Variants in PCDHGB2 observed in about 807,000 individuals in gnomAD.
PCDHGB2 encodes protocadherin gamma subfamily B, 2.
PCDHGB2 carries 55 observed loss-of-function variants against 59.3 expected under a neutral mutation model. That is an observed-to-expected ratio of 0.93 (90% CI 0.75 to 1.16). The LOEUF (loss-of-function observed/expected upper bound fraction) is 1.16. Among genes scored for constraint, PCDHGB2 ranks in the 50% most tolerant of loss-of-function variants. PCDHGB2 has a pLI of 0.00. For missense variants in PCDHGB2, 1,228 were observed against 1,198.5 expected (o/e 1.02, Z -0.36); for synonymous variants, 516 against 512.0 (o/e 1.01, Z -0.11).
intron 2 of PCDHGB2, among the ~76,000 whole-genome samples, chr5:141,505,145 G>A (rs540889707): frequency 1.3e-5 from 2 of 152,288 alleles, no homozygotes; most frequent in East Asian, 3.9e-4. Flanking sequence ...CTGGATGACA[G>A]AGTAAGACCC....
chr5:141,465,366 A>G (rs2099102089), intron 1 of PCDHGB2, among the ~76,000 whole-genome samples: 1 of 152,154 alleles, frequency 6.6e-6, no homozygotes, highest in Non-Finnish European at 1.5e-5. Flanking sequence ...GGTGCCCTTT[A>G]AAGTTGTAAG....
chr5:141,500,318 C>T (rs1005060282), intron 2 of PCDHGB2, among the ~76,000 whole-genome samples: 3 of 151,948 alleles, frequency 2.0e-5, no homozygotes, highest in African/African-American at 7.3e-5. Context: ...ACGCCATGCT[C>T]CTGCCTCAGC....
chr5:141,393,752 AT>A, intron 1 of PCDHGB2: 1 of 1,613,942 alleles, frequency 6.2e-7, no homozygotes, highest in Non-Finnish European at 8.5e-7. Flanking sequence ...AAGAATGTTC[AT>A]TTTATGAAAT....
intron 1 of PCDHGB2, chr5:141,421,623 C>T: frequency 6.2e-7 from 1 of 1,613,810 alleles, no homozygotes. Flanking sequence ...ATAACGCCCC[C>T]AGCTTCCAGG....
intron 1 of PCDHGB2, among the ~76,000 whole-genome samples, chr5:141,483,993 G>T (rs1307708919): frequency 6.8e-6 from 1 of 147,882 alleles, no homozygotes; most frequent in Non-Finnish European, 1.5e-5. Flanking sequence ...AGGTTGCTGG[G>T]AGGTCTGGAT....
rs749092806 is a variant in PCDHGB2, at chr5:141,360,171, G to A, written c.36G>A (p.Arg12=). ...KASSGRCGLV[R]WLQVLLPFLL... is the part of the protein sequence containing the mutation. ...GCTCAGGGAGGTGCGGGCTGGTGCG[G>A]TGGCTGCAGGTACTGTTGCCCTTCC... The change falls in exon 1 of 4, where the codon CGG becomes CGA. Residue 12 remains arginine, a synonymous_variant. Coordinates refer to ENST00000522605, the MANE Select transcript of PCDHGB2 (RefSeq NM_018923.3). The A allele has an allele frequency of 8.1e-6, 13 of 1,608,392 alleles. No individual in the cohort carries two copies. Among genetic ancestry groups the A allele is most frequent in the African/African-American group, 1.3e-5 (1 of 74,778 alleles).
chr5:141,450,468 A>G (rs1187171122), intron 1 of PCDHGB2, among the ~76,000 whole-genome samples: 2 of 151,696 alleles, frequency 1.3e-5, no homozygotes, highest in African/African-American at 4.9e-5. Flanking sequence ...TTTTATATAT[A>G]GAGTTTGTTT....
At position 141,491,423 on chromosome 5, in the gene PCDHGB2, G is replaced by A; in HGVS notation, c.2422-3384G>A. The A allele has an allele frequency of 3.1e-6, 5 of 1,614,126 alleles. No homozygotes were observed. Among genetic ancestry groups the A allele is most frequent in the Non-Finnish European group, 4.2e-6 (5 of 1,180,036 alleles). ...AACGCAGACGGGGACGGGGGTGGAGGGCAGTGCTGCAGGCGCCAGGACTCA... is the reference window on the plus strand; with the variant it reads ...AACGCAGACGGGGACGGGGGTGGAGAGCAGTGCTGCAGGCGCCAGGACTCA... On this transcript the variant is annotated intron_variant, in intron 1 of 3. Transcript: ENST00000522605. The surrounding 1 kb of genome is among the most constrained non-coding windows in gnomAD (Gnocchi z 6.9).
At chr5:141,372,022 G>A in intron 1 of PCDHGB2, 1 of 1,613,416 alleles carries the variant, frequency 6.2e-7, no homozygotes, top group Non-Finnish European at 8.5e-7. Context: ...CCTACGCTCA[G>A]CGCCAACGTG....
At position 141,393,532 on chromosome 5, in the gene PCDHGB2, C is replaced by G. The variant is rs1411410420; in HGVS notation, c.2421+30976C>G. 1.4e-5 allele frequency: 23 copies of G among 1,613,886 alleles called. No homozygotes were observed. Among genetic ancestry groups the G allele is most frequent in the Non-Finnish European group, 1.9e-5 (23 of 1,179,916 alleles). On this transcript the variant is annotated intron_variant, in intron 1 of 3. Transcript: ENST00000522605. The stretch of plus-strand genomic sequence containing the variant: ...GTGTTGGATACAAATGACAATGCCC[C>G]GGTTTTTCCTCACCCGATTTACCGA...
intron 1 of PCDHGB2, among the ~76,000 whole-genome samples, chr5:141,430,388 A>G (rs2097280501): frequency 6.6e-6 from 1 of 152,106 alleles, no homozygotes; most frequent in Non-Finnish European, 1.5e-5. Flanking sequence ...ATTGGGAAAA[A>G]AAAAAAAAGC....
At chr5:141,445,109 T>C (rs571834974) in intron 1 of PCDHGB2, among the ~76,000 whole-genome samples, 23 of 152,246 alleles carry the variant, frequency 1.5e-4, no homozygotes, top group Non-Finnish European at 2.8e-4. Flanking sequence ...TCTAATGTTA[T>C]TGTAAATAGT....
Position 141,512,910 on chromosome 5 carries a change from T to C in PCDHGB2, c.*1737T>C, listed in dbSNP as rs2099884499. On this transcript the variant is annotated 3_prime_UTR_variant, in exon 4 of 4. Transcript: ENST00000522605. Reference sequence around the variant, plus strand: ...CTCTTCCTGTGTCTCACGCAAGTTTTATACTCTAATATTTATATGGCTTTT... The same window carrying C: ...CTCTTCCTGTGTCTCACGCAAGTTTCATACTCTAATATTTATATGGCTTTT... 1 of 152,274 alleles carries C rather than the reference T, an allele frequency of 6.6e-6. No homozygotes were observed. The highest frequency in any genetic ancestry group is 2.1e-4 in the South Asian group (1 of 4,836). 9.4% of individuals were successfully genotyped at this position (152,274 alleles called of 1,614,324 possible). A position where few individuals can be genotyped will look rare whatever the true frequency, so the allele number is the denominator to read the frequency against.
intron 1 of PCDHGB2, chr5:141,383,945 T>G: frequency 6.2e-7 from 1 of 1,613,858 alleles, no homozygotes. Context: ...GAAGTGACTA[T>G]GACGTCTTTA....
intron 1 of PCDHGB2, among the ~76,000 whole-genome samples, chr5:141,465,779 GT>G (rs879859429): frequency 5.2e-4 from 76 of 145,138 alleles, no homozygotes; most frequent in South Asian, 1.1e-3. Flanking sequence ...TCTTGTTACA[GT>G]TTTTTTTTTT....
intron 1 of PCDHGB2, among the ~76,000 whole-genome samples, chr5:141,459,880 C>G (rs1240703946): frequency 6.6e-6 from 1 of 152,134 alleles, no homozygotes; most frequent in Non-Finnish European, 1.5e-5. Context: ...TTTAACTGAG[C>G]TGAACGCCTT....
chr5:141,389,339 C>G, intron 1 of PCDHGB2: 2 of 1,614,010 alleles, frequency 1.2e-6, no homozygotes, highest in Middle Eastern at 1.6e-4. Flanking sequence ...ACGGCCAAGT[C>G]TCTTACTGCA....
chr5:141,389,993 G>GCTCT (rs1379154076), intron 1 of PCDHGB2: 4 of 1,614,016 alleles, frequency 2.5e-6, no homozygotes, highest in Non-Finnish European at 2.5e-6. Flanking sequence ...TCTTCCTCGT[G>GCTCT]GCCATGATTC....
intron 1 of PCDHGB2, chr5:141,385,778 T>C (rs2150299874): frequency 6.2e-6 from 1 of 161,798 alleles, no homozygotes; most frequent in East Asian, 1.9e-4. Context: ...TGCCTCCATG[T>C]ACCTCAGCTT....
Sources: gnomAD v4.1 joint callset for allele counts (sites outside exome capture counted in the v4.1 genomes callset) on GRCh38, gnomAD v4.1.1 for gene constraint, Gnocchi (gnomAD v3.1) non-coding constraint, MANE v1.5 for transcripts, NCBI Gene and HGNC (gene_info 2026-07-23, HGNC 2026-07-21) for gene names.